SLC9C1: variants seen among roughly 807,000 people sequenced by gnomAD.
SLC9C1 encodes sodium/hydrogen exchanger 10.
Under a neutral mutation model 140.9 loss-of-function variants are expected in SLC9C1, and 97 were observed. The ratio of observed to expected loss-of-function variants is 0.69; its 90% confidence interval spans 0.58 to 0.82. The LOEUF is 0.82. Ranked by LOEUF, SLC9C1 falls within the 40% of genes least tolerant of loss-of-function variation. The pLI is 0.00. For synonymous variants in SLC9C1, 440 were observed against 442.6 expected (o/e 0.99, Z 0.07); for missense variants, 1,340 against 1,389.3 (o/e 0.96, Z 0.56).
intron 10 of SLC9C1, among the ~76,000 whole-genome samples, chr3:112,256,484 A>G (rs2079609945): frequency 6.6e-6 from 1 of 152,198 alleles, no homozygotes; most frequent in Admixed American, 6.6e-5. Context: ...GATGATCTCC[A>G]TAGATGCAGA....
intron 22 of SLC9C1, among the ~76,000 whole-genome samples, chr3:112,180,274 C>A (rs1264932518): frequency 1.3e-5 from 2 of 152,242 alleles, no homozygotes; most frequent in Non-Finnish European, 2.9e-5. Context: ...GTAACCCCAG[C>A]ACTTTGGGAG....
chr3:112,187,068 G>C (rs991207230), intron 20 of SLC9C1, among the ~76,000 whole-genome samples: 2 of 152,052 alleles, frequency 1.3e-5, no homozygotes, highest in African/African-American at 2.4e-5. Flanking sequence ...TCTATTTTGG[G>C]CTTTTTATAG....
rs112198679 is a variant in SLC9C1 at position 112,269,974 on chromosome 3, A to G, written c.717T>C (p.Gly239=). Reference sequence around the variant, plus strand: ...TGAGACTTATATGATTGACATCATCACCAAAAACAGTTGACATCCAAAATT... The same window carrying G: ...TGAGACTTATATGATTGACATCATCGCCAAAAACAGTTGACATCCAAAATT... The part of the protein sequence containing the change: ...LIQFWMSTVF[G]DDVNHISLIF... Residue 239 remains glycine, a synonymous_variant, in exon 7 of 29, where the codon GGT becomes GGC. Transcript: ENST00000305815. The G allele has an allele frequency of 6.2e-7, 1 of 1,601,082 alleles. No homozygotes were observed. Among genetic ancestry groups the G allele is most frequent in the Non-Finnish European group, 8.5e-7 (1 of 1,174,626 alleles).
At chr3:112,234,893 G>A (rs148743299) in intron 12 of SLC9C1, among the ~76,000 whole-genome samples, 1 of 151,660 alleles carries the variant, frequency 6.6e-6, no homozygotes, top group East Asian at 1.9e-4. Context: ...TGTAGTATAG[G>A]TTGAAGTCAG....
intron 5 of SLC9C1, among the ~76,000 whole-genome samples, chr3:112,277,148 G>T (rs570068534): frequency 1.6e-4 from 24 of 151,920 alleles, no homozygotes; most frequent in African/African-American, 5.8e-4. Flanking sequence ...TTGTTTTTCT[G>T]GGCTAAATTG....
At chr3:112,254,899 A>G (rs1376570391) in intron 10 of SLC9C1, among the ~76,000 whole-genome samples, 1 of 152,144 alleles carries the variant, frequency 6.6e-6, no homozygotes, top group East Asian at 1.9e-4. Flanking sequence ...TTTCCAAGCA[A>G]ATGGAAAACA....
intron 1 of SLC9C1, among the ~76,000 whole-genome samples, chr3:112,290,064 A>C (rs538395841): frequency 4.6e-5 from 7 of 152,220 alleles, no homozygotes; most frequent in Non-Finnish European, 1.0e-4. Flanking sequence ...TGCCATTAGG[A>C]AAGAACATTT....
rs9828502 is a variant in SLC9C1, at chr3:112,277,707, T to C, written c.472A>G (p.Ile158Val). 443,910 of 1,585,892 alleles carry C rather than the reference T, an allele frequency of 0.28. 63,432 individuals are homozygous for C. Among genetic ancestry groups the C allele is most frequent in the Admixed American group, 0.37 (20,544 of 55,456 alleles). ...ACAATATACCTACCAAGGTCTCTTA[T>C]AGCAGCTGCGGTTAGCATGGGATCT... ...SSDPMLTAAA[I>V]RDLGLSRSLI... The change falls in exon 5 of 29, where the codon ATA (isoleucine) becomes GTA (valine). Residue 158 changes from isoleucine (I) to valine (V), a missense_variant. Ile to Val is a conservative substitution (Grantham distance 29). Coordinates refer to ENST00000305815, the MANE Select transcript of SLC9C1 (RefSeq NM_183061.3).
chr3:112,275,172 A>G (rs1487633722), intron 5 of SLC9C1, 147 bp from the exon 6 acceptor site: 2 of 796,162 alleles, frequency 2.5e-6, no homozygotes, highest in African/African-American at 3.7e-5. Flanking sequence ...CATAATTGGC[A>G]CTAAATTAAT....
At chr3:112,155,816 C>T (rs557549606) in intron 26 of SLC9C1, among the ~76,000 whole-genome samples, 37 of 152,154 alleles carry the variant, frequency 2.4e-4, no homozygotes, top group African/African-American at 8.2e-4. Flanking sequence ...TATGCTTAAT[C>T]ATTTTTAAAA....
At position 112,277,673 on chromosome 3, in the gene SLC9C1, A is replaced by G. The variant is rs747242741; in HGVS notation, c.484+22T>C. On this transcript the variant is annotated intron_variant, in intron 5 of 28. Transcript: ENST00000305815. The stretch of plus-strand genomic sequence containing the variant: ...ATGAAATATGATATTATAAATATAG[A>G]AAAAGAGAACAATATACCTACCAAG... The G allele has an allele frequency of 9.4e-6, 14 of 1,490,756 alleles. No individual in the cohort carries two copies. In the African/African-American group the frequency reaches 2.0e-4, roughly 21 times the overall value. The allele number at this position is 1,490,756 out of a possible 1,614,324, so 92.3% of individuals were successfully genotyped here. A position where few individuals can be genotyped will look rare whatever the true frequency, so the allele number is the denominator to read the frequency against.
chr3:112,142,244 G>A (rs576178933), intron 28 of SLC9C1, among the ~76,000 whole-genome samples: 1 of 151,992 alleles, frequency 6.6e-6, no homozygotes, highest in East Asian at 1.9e-4. Context: ...TGTTACCAAT[G>A]AATAAAAAAG....
rs371527435 is a variant in SLC9C1, at chr3:112,162,274, C to T, written c.3364+4947G>A. Among the ~76,000 whole-genome samples, 153 of 152,244 alleles carry T rather than the reference C, an allele frequency of 1.0e-3. 3 individuals carry two copies. The East Asian group carries it at 0.013, about 13-fold the overall frequency. On this transcript the variant is annotated intron_variant, in intron 26 of 28. Coordinates refer to ENST00000305815, the MANE Select transcript of SLC9C1 (RefSeq NM_183061.3). The stretch of plus-strand genomic sequence containing the variant: ...GACTACCCTTTATTTCCTTCTCCTG[C>T]CTAATTGCCCTGGCCAGAACTTCCA...
chr3:112,180,820 C>A (rs1413745924), intron 21 of SLC9C1, among the ~76,000 whole-genome samples, 158 bp from the exon 22 acceptor site: 2 of 152,228 alleles, frequency 1.3e-5, no homozygotes, highest in African/African-American at 4.8e-5. Flanking sequence ...ACTGCACCCT[C>A]CCCCTCCTGG....
chr3:112,278,791 C>T lies in SLC9C1; in HGVS notation c.256G>A (p.Val86Ile). The T allele has an allele frequency of 6.2e-7, 1 of 1,611,328 alleles. No individual in the cohort carries two copies. Among genetic ancestry groups the T allele is most frequent in the Non-Finnish European group, 8.5e-7 (1 of 1,178,822 alleles). The stretch of plus-strand genomic sequence containing the variant: ...TCAAATGCAGTAGTAAAGAAAACTA[C>T]TGGTGTAAATATACGAAAAAATAAG... Reference protein sequence around the residue: ...PDLFFRIFTPVVFFTTAFDMD... With the variant: ...PDLFFRIFTPIVFFTTAFDMD... Residue 86 changes from valine to isoleucine, a missense_variant, in exon 4 of 29, where the codon GTA becomes ATA. By Grantham distance (29) the Val-to-Ile change is conservative (BLOSUM62 3). Coordinates refer to ENST00000305815, the MANE Select transcript of SLC9C1 (RefSeq NM_183061.3).
At chr3:112,158,451 G>C (rs1364566133) in intron 26 of SLC9C1, among the ~76,000 whole-genome samples, 1 of 151,948 alleles carries the variant, frequency 6.6e-6, no homozygotes, top group African/African-American at 2.4e-5. Flanking sequence ...TTGCATCTCT[G>C]TTGATCAAGG....
At chr3:112,162,587 A>T (rs1267048261) in intron 26 of SLC9C1, among the ~76,000 whole-genome samples, 1 of 152,208 alleles carries the variant, frequency 6.6e-6, no homozygotes, top group Non-Finnish European at 1.5e-5. Flanking sequence ...TGATTTGCGT[A>T]TATTGAACCA....
chr3:112,275,665 G>A (rs1457097157), intron 5 of SLC9C1, among the ~76,000 whole-genome samples: 1 of 152,132 alleles, frequency 6.6e-6, no homozygotes, highest in Non-Finnish European at 1.5e-5. Flanking sequence ...AAAGCCATAG[G>A]AGGAAATGTT....
Position 112,202,402 on chromosome 3 carries a change from G to T in SLC9C1, c.2173-3C>A. The T allele has an allele frequency of 6.3e-7, 1 of 1,582,344 alleles. No homozygotes were observed. Among genetic ancestry groups the T allele is most frequent in the African/African-American group, 1.4e-5 (1 of 73,772 alleles). ...TGCAGCAACTTTGGTGCTATGAGCT[G>T]AATTAAACAGGACTTCCATTAATAT... On this transcript the variant is annotated splice_region_variant and splice_polypyrimidine_tract_variant and intron_variant, in intron 17 of 28. Coordinates refer to ENST00000305815, the MANE Select transcript of SLC9C1 (RefSeq NM_183061.3).
Sources: gnomAD v4.1 joint callset for allele counts (sites outside exome capture counted in the v4.1 genomes callset) on GRCh38, gnomAD v4.1.1 for gene constraint, MANE v1.5 for transcripts, NCBI Gene and HGNC (gene_info 2026-07-23, HGNC 2026-07-21) for gene names.